BACH2: variants seen among roughly 807,000 people sequenced by gnomAD.
The protein encoded by BACH2 is BACH transcriptional regulator 2.
Under a neutral mutation model 61.8 loss-of-function variants are expected in BACH2, and 5 were observed. The ratio of observed to expected loss-of-function variants is 0.08; its 90% CI spans 0.04 to 0.17. BACH2 has a LOEUF of 0.17. Ranked by LOEUF, BACH2 falls within the 10% of genes least tolerant of loss-of-function variation. The probability of loss-of-function intolerance (pLI) is 1.00; values close to 1 mark genes in which losing one functional copy is unlikely to be tolerated. For synonymous variants in BACH2, 446 were observed against 440.1 expected, an observed-to-expected ratio of 1.01 and a Z score of -0.17; for missense variants, 824 against 1,091.1, an observed-to-expected ratio of 0.76 and a Z score of 3.45.
intron 4 of BACH2, among the ~76,000 whole-genome samples, chr6:90,143,317 C>T (rs1037563420): frequency 7.9e-5 from 12 of 152,110 alleles, no homozygotes; most frequent in African/African-American, 2.9e-4. Context: ...GTGTGGCTTG[C>T]AGTTAAGAAT....
At chr6:89,983,247 ATTC>A (rs1776053902) in intron 6 of BACH2, among the ~76,000 whole-genome samples, 1 of 152,198 alleles carries the variant, frequency 6.6e-6, no homozygotes, top group Non-Finnish European at 1.5e-5. Context: ...CTTTGTATTT[ATTC>A]ATTCCATCAT....
intron 6 of BACH2, among the ~76,000 whole-genome samples, chr6:89,992,583 G>A (rs1390982307): frequency 6.6e-6 from 1 of 152,104 alleles, no homozygotes; most frequent in African/African-American, 2.4e-5. Context: ...TGGAGGTTGT[G>A]GTGAGCTGAG....
chr6:90,284,140 G>A (rs1771944553), intron 1 of BACH2, among the ~76,000 whole-genome samples: 1 of 152,196 alleles, frequency 6.6e-6, no homozygotes, highest in Admixed American at 6.5e-5. Context: ...AAGGCTCTGG[G>A]ATAAGACCAC....
intron 3 of BACH2, among the ~76,000 whole-genome samples, chr6:90,233,393 C>T (rs1302739156): frequency 4.6e-5 from 7 of 152,186 alleles, no homozygotes; most frequent in Non-Finnish European, 1.0e-4. Flanking sequence ...TTGTCTGCTT[C>T]CGTCTGCCTG....
Position 90,097,219 on chromosome 6 carries a change from G to A in BACH2, c.-161-8110C>T, listed in dbSNP as rs570983300. 3.3e-5 allele frequency among the ~76,000 whole-genome samples: 5 copies of A among 152,306 alleles called. No individual in the cohort carries two copies. The East Asian group carries it at 9.7e-4, about 29-fold the overall frequency. On this transcript the variant is annotated intron_variant, in intron 4 of 8. Coordinates refer to ENST00000257749, the MANE Select transcript of BACH2 (RefSeq NM_021813.4). ...AGCAAAAGCTGCTGTGTGTCCACAT[G>A]GGAAGCCCGTGGACTACATCTGTCC...
chr6:90,241,321 C>T (rs1190056954), intron 3 of BACH2, among the ~76,000 whole-genome samples: 4 of 152,072 alleles, frequency 2.6e-5, no homozygotes, highest in Non-Finnish European at 4.4e-5. Flanking sequence ...TAAAATCAAC[C>T]GCTCACTTAA....
intron 5 of BACH2, among the ~76,000 whole-genome samples, chr6:90,036,689 AGAGTTT>A (rs529015333): frequency 5.1e-4 from 77 of 152,332 alleles, no homozygotes; most frequent in African/African-American, 1.8e-3. Context: ...ATTACTTGCT[AGAGTTT>A]AAGATTAGTT....
intron 5 of BACH2, among the ~76,000 whole-genome samples, chr6:90,015,890 T>C (rs1375704043): frequency 2.0e-5 from 3 of 152,218 alleles, no homozygotes; most frequent in African/African-American, 7.2e-5. Context: ...AATTGTAGGC[T>C]TGTCTGTCAG....
intron 4 of BACH2, among the ~76,000 whole-genome samples, chr6:90,158,602 T>C (rs935538577): frequency 6.6e-6 from 1 of 151,820 alleles, no homozygotes; most frequent in African/African-American, 2.4e-5. Context: ...GGGCAGGGGC[T>C]TCATGATGTG....
At chr6:90,086,882 A>G (rs895203298) in intron 5 of BACH2, among the ~76,000 whole-genome samples, 2 of 152,210 alleles carry the variant, frequency 1.3e-5, no homozygotes, top group Non-Finnish European at 2.9e-5. Flanking sequence ...AGAATAAACT[A>G]GTGCTTGTTG....
intron 7 of BACH2, among the ~76,000 whole-genome samples, chr6:89,943,943 A>G (rs1773585660): frequency 2.0e-5 from 3 of 152,212 alleles, no homozygotes; most frequent in African/African-American, 4.8e-5. Context: ...CGAGGGAGGA[A>G]GCAATATGCC....
At chr6:90,096,662 T>TG (rs969694284) in intron 4 of BACH2, among the ~76,000 whole-genome samples, 10 of 152,178 alleles carry the variant, frequency 6.6e-5, no homozygotes, top group African/African-American at 2.4e-4. Context: ...GACATTGCCC[T>TG]GGGGATCTGC....
chr6:90,071,858 T>C (rs9359882), intron 5 of BACH2, among the ~76,000 whole-genome samples: 41,954 of 152,142 alleles, frequency 0.28, 6,556 homozygotes, highest in East Asian at 0.67. Flanking sequence ...CAAAATGTTA[T>C]TAAGAAAATC....
Position 90,243,628 on chromosome 6 carries a change from G to A in BACH2, c.-275+8885C>T, listed in dbSNP as rs142090454. 4.6e-3 allele frequency among the ~76,000 whole-genome samples: 693 copies of A among 152,234 alleles called. 2 individuals are homozygous for A. The highest frequency in any genetic ancestry group is 0.011 in the Admixed American group (162 of 15,302). On this transcript the variant is annotated intron_variant, in intron 3 of 8. Coordinates refer to ENST00000257749, the MANE Select transcript of BACH2 (RefSeq NM_021813.4). ...TCCACACCCTCCCTAATATTACAGA[G>A]TAATTACTGAATCTCTTTTTCCTAT...
At chr6:90,031,936 T>C (rs185743716) in intron 5 of BACH2, among the ~76,000 whole-genome samples, 6,896 of 152,150 alleles carry the variant, frequency 0.045, 480 homozygotes, top group African/African-American at 0.15. Flanking sequence ...GGAGGCATCA[T>C]GCTACCTGAC....
At chr6:90,273,311 T>C (rs1417715938) in intron 1 of BACH2, among the ~76,000 whole-genome samples, 1 of 151,990 alleles carries the variant, frequency 6.6e-6, no homozygotes, top group Non-Finnish European at 1.5e-5. Flanking sequence ...TGAGCTACGA[T>C]CATACCACTG....
chr6:89,967,214 A>G (rs1329983568), intron 6 of BACH2, among the ~76,000 whole-genome samples: 1 of 152,108 alleles, frequency 6.6e-6, no homozygotes, highest in African/African-American at 2.4e-5. Context: ...ATGGCTTGGG[A>G]CTGTTATGAA....
chr6:90,022,770 C>T (rs1778444758), intron 5 of BACH2, among the ~76,000 whole-genome samples: 1 of 152,174 alleles, frequency 6.6e-6, no homozygotes, highest in Non-Finnish European at 1.5e-5. Context: ...ATATCAAGTG[C>T]ATTGATGGTC....
chr6:90,205,144 A>AC (rs1441334061), intron 4 of BACH2, among the ~76,000 whole-genome samples: 1 of 152,188 alleles, frequency 6.6e-6, no homozygotes, highest in Non-Finnish European at 1.5e-5. Flanking sequence ...GAGAAAAGTC[A>AC]CCACTGGAAG....
Sources: allele counts gnomAD v4.1 joint callset (sites outside exome capture counted in the v4.1 genomes callset), GRCh38; gene constraint gnomAD v4.1.1; transcripts MANE v1.5; gene names NCBI Gene and HGNC (gene_info 2026-07-23, HGNC 2026-07-21).